DPP6: variants seen among roughly 807,000 people sequenced by gnomAD.
DPP6 encodes the protein dipeptidyl peptidase like 6, also known as A-type potassium channel modulatory protein DPP6.
In DPP6, 69 loss-of-function variants were observed where a neutral mutation model predicts 122.6. The ratio of observed to expected loss-of-function variants is 0.56; its 90% confidence interval spans 0.46 to 0.69. The LOEUF (loss-of-function observed/expected upper bound fraction) is 0.69, where lower values mean the gene tolerates loss of function less well. DPP6 is among the 30% of genes least tolerant of loss of function. DPP6 has a pLI of 0.00. For synonymous variants in DPP6, 418 were observed against 433.1 expected (o/e 0.97, Z 0.43); for missense variants, 928 against 1,116.9 (o/e 0.83, Z 2.41).
intron 2 of DPP6, among the ~76,000 whole-genome samples, chr7:154,459,727 G>T (rs1821111728): frequency 7.2e-6 from 1 of 139,062 alleles, no homozygotes; most frequent in Non-Finnish European, 1.5e-5. Context: ...TGAGGCAGGA[G>T]AATTGCTTGA....
chr7:154,171,794 T>C (rs1400153401), intron 1 of DPP6, among the ~76,000 whole-genome samples: 1 of 126,542 alleles, frequency 7.9e-6, no homozygotes, highest in Non-Finnish European at 1.7e-5. Flanking sequence ...CTGTGACAAC[T>C]GAACAATCCC....
intron 1 of DPP6, among the ~76,000 whole-genome samples, chr7:154,267,652 A>G (rs138328524): frequency 6.7e-6 from 1 of 148,326 alleles, no homozygotes; most frequent in African/African-American, 2.6e-5. Context: ...ACATATATGC[A>G]CACATACATA....
At chr7:153,763,158 T>C in the DPP6 span, among the ~76,000 whole-genome samples, 1 of 152,252 alleles carries the variant, frequency 6.6e-6, no homozygotes, top group South Asian at 2.1e-4. Flanking sequence ...CATGTGAAAT[T>C]TGTCTTTACT....
intron 1 of DPP6, among the ~76,000 whole-genome samples, chr7:154,431,025 T>C (rs1159216412): frequency 6.6e-6 from 1 of 152,156 alleles, no homozygotes; most frequent in Non-Finnish European, 1.5e-5. Flanking sequence ...CTTACTTTGA[T>C]TGGCACCCAG....
chr7:154,204,965 C>T (rs149150697), intron 1 of DPP6, among the ~76,000 whole-genome samples: 44 of 152,228 alleles, frequency 2.9e-4, no homozygotes, highest in African/African-American at 8.7e-4. Flanking sequence ...CTGTCACAGG[C>T]GTTAGATGAC....
the DPP6 span, among the ~76,000 whole-genome samples, chr7:153,838,725 A>G: frequency 1.3e-4 from 20 of 152,338 alleles, no homozygotes; most frequent in South Asian, 4.1e-3. Flanking sequence ...CTGAAACTGT[A>G]ACAAGCAAAC....
At chr7:154,776,602 C>G (rs912661342) in intron 10 of DPP6, among the ~76,000 whole-genome samples, 1 of 152,108 alleles carries the variant, frequency 6.6e-6, no homozygotes, top group Non-Finnish European at 1.5e-5. Flanking sequence ...GGCCCTGGCT[C>G]CAGTTCTGCA....
At chr7:153,968,295 C>T (rs1287764847) in intron 1 of DPP6, among the ~76,000 whole-genome samples, 2 of 151,600 alleles carry the variant, frequency 1.3e-5, no homozygotes, top group East Asian at 3.9e-4. Flanking sequence ...ATTTGCATTT[C>T]CCTGATGATG....
chr7:153,879,367 TTTTA>T, the DPP6 span, among the ~76,000 whole-genome samples: 1 of 152,080 alleles, frequency 6.6e-6, no homozygotes, highest in Non-Finnish European at 1.5e-5. Context: ...CCAAAATATC[TTTTA>T]TTTATTTGTT....
intron 7 of DPP6, among the ~76,000 whole-genome samples, chr7:154,691,542 G>T (rs924263771): frequency 5.3e-5 from 8 of 152,184 alleles, no homozygotes; most frequent in Non-Finnish European, 8.8e-5. Flanking sequence ...AAGCAGCCGG[G>T]CGCGGTGGCT....
At chr7:154,597,707 C>T (rs1180339079) in intron 5 of DPP6, among the ~76,000 whole-genome samples, 12 of 152,150 alleles carry the variant, frequency 7.9e-5, no homozygotes, top group Non-Finnish European at 1.5e-4. Flanking sequence ...TATTGTCTCA[C>T]GGTTCTGGAG....
At position 154,220,583 on chromosome 7, in the gene DPP6, A is replaced by C. The variant is rs542068477; in HGVS notation, c.243+167520A>C. Among the ~76,000 whole-genome samples the C allele has an allele frequency of 3.9e-5, 6 of 152,236 alleles. No homozygotes were observed. In the South Asian group the frequency reaches 1.2e-3, roughly 32 times the overall value. Reference sequence around the variant, plus strand: ...CCGAGCCTAAATTAAAAGTTAAATAAATAAAATAAAATGCCACTGGGAAGC... The same window carrying C: ...CCGAGCCTAAATTAAAAGTTAAATACATAAAATAAAATGCCACTGGGAAGC... On this transcript the variant is annotated intron_variant, in intron 1 of 25. Coordinates refer to ENST00000377770, the MANE Select transcript of DPP6 (RefSeq NM_130797.4).
intron 1 of DPP6, among the ~76,000 whole-genome samples, chr7:154,252,132 A>C (rs1463804134): frequency 6.6e-6 from 1 of 152,188 alleles, no homozygotes; most frequent in East Asian, 1.9e-4. Flanking sequence ...CAATTAACAC[A>C]TCCTATTGGT....
intron 14 of DPP6, 138 bp from the exon 15 acceptor site, chr7:154,804,779 G>T (rs1798587995): frequency 6.6e-6 from 8 of 1,218,648 alleles, no homozygotes; most frequent in Non-Finnish European, 9.4e-6. Flanking sequence ...GGTGTAGCTG[G>T]ACCTGAACAG....
intron 5 of DPP6, among the ~76,000 whole-genome samples, chr7:154,586,675 C>T (rs752686131): frequency 5.3e-5 from 8 of 152,184 alleles, no homozygotes; most frequent in Non-Finnish European, 1.2e-4. Flanking sequence ...TTTGTCTAAG[C>T]GTCTGCCCAT....
exon 1 of DPP6, chr7:153,887,334 G>A: frequency 5.4e-6 from 1 of 185,308 alleles, no homozygotes; most frequent in Non-Finnish European, 1.1e-5. Context: ...GGACACGCGC[G>A]CAGTCAGAGC....
intron 5 of DPP6, among the ~76,000 whole-genome samples, chr7:154,598,605 A>G (rs1833243537): frequency 6.6e-6 from 1 of 152,200 alleles, no homozygotes; most frequent in Admixed American, 6.5e-5. Context: ...TATCCCCTAG[A>G]AACAATCAAA....
intron 7 of DPP6, among the ~76,000 whole-genome samples, chr7:154,680,686 A>ATATATT (rs372444601): frequency 2.9e-4 from 39 of 133,498 alleles, no homozygotes; most frequent in African/African-American, 1.0e-3. Context: ...TTATATATAT[A>ATATATT]TTTTTTTTAA....
chr7:154,156,892 C>T (rs1391711348), intron 1 of DPP6, among the ~76,000 whole-genome samples: 1 of 152,258 alleles, frequency 6.6e-6, no homozygotes, highest in Non-Finnish European at 1.5e-5. Context: ...ATGGGAAAAG[C>T]ACTTTAAGCA....
Sources: allele counts gnomAD v4.1 joint callset (sites outside exome capture counted in the v4.1 genomes callset), GRCh38; gene constraint gnomAD v4.1.1; transcripts MANE v1.5; gene names NCBI Gene and HGNC (gene_info 2026-07-23, HGNC 2026-07-21).